Variants in PHF20L1 observed in about 807,000 individuals in gnomAD.
PHF20L1 encodes PHD finger protein 20-like protein 1.
In PHF20L1, 44 loss-of-function variants were observed where a neutral mutation model predicts 125.5. The observed-to-expected ratio is 0.35, with a 90% CI of 0.28 to 0.45. PHF20L1 has a LOEUF of 0.45. PHF20L1 is among the 20% of genes least tolerant of loss of function. The pLI is 1.00. For synonymous variants in PHF20L1, 380 were observed against 403.1 expected (o/e 0.94, Z 0.69); for missense variants, 1,012 against 1,217.2 (o/e 0.83, Z 2.51).
chr8:132,830,576 C>G (rs1836656548), intron 14 of PHF20L1, among the ~76,000 whole-genome samples: 1 of 152,016 alleles, frequency 6.6e-6, no homozygotes, highest in Admixed American at 6.6e-5. Flanking sequence ...CATGTATTCC[C>G]TAACCTGCGT....
Position 132,836,549 on chromosome 8 carries a change from A to C in PHF20L1, c.1919A>C (p.Asp640Ala). The C allele has an allele frequency of 6.2e-7, 1 of 1,602,772 alleles. No individual in the cohort carries two copies. The highest frequency in any genetic ancestry group is 8.5e-7 in the Non-Finnish European group (1 of 1,170,316). ...TTTGTATATATTCTAGACTTATCAG[A>C]TGTAGACTTCCTAGATGATTCTTCA... The part of the protein sequence containing the change: ...SVDLSGENLS[D>A]VDFLDDSSTE... Residue 640 changes from aspartate (D) to alanine (A), a missense_variant, in exon 16 of 21, where the codon GAT (aspartate) becomes GCT (alanine). Asp to Ala is a moderately radical substitution (Grantham distance 126). This residue lies in a region of PHF20L1 where 320 missense variants were observed against 293.8 expected (regional missense o/e 1.09). Coordinates refer to ENST00000395386, the MANE Select transcript of PHF20L1 (RefSeq NM_016018.5).
chr8:132,782,103 G>A (rs1486020321), intron 2 of PHF20L1, among the ~76,000 whole-genome samples: 1 of 152,140 alleles, frequency 6.6e-6, no homozygotes, highest in Non-Finnish European at 1.5e-5. Context: ...TCCAAACCTT[G>A]ATATTCAGTT....
At chr8:132,778,844 G>A (rs776048766) in intron 2 of PHF20L1, among the ~76,000 whole-genome samples, 5 of 152,160 alleles carry the variant, frequency 3.3e-5, no homozygotes, top group African/African-American at 1.2e-4. Context: ...TCCTCCTGAA[G>A]CCCGTTTATT....
intron 8 of PHF20L1, chr8:132,807,621 G>A (rs1378039284): frequency 4.8e-6 from 2 of 417,652 alleles, no homozygotes; most frequent in Non-Finnish European, 9.4e-6. Context: ...TGGAATACCT[G>A]GATGAAAAGT....
At chr8:132,801,518 T>A (rs1833042960) in intron 6 of PHF20L1, among the ~76,000 whole-genome samples, 1 of 151,774 alleles carries the variant, frequency 6.6e-6, no homozygotes, top group African/African-American at 2.4e-5. Context: ...AAAACATCAT[T>A]ATTAGTTATA....
chr8:132,817,458 C>G lies in PHF20L1; in HGVS notation c.1492C>G (p.Pro498Ala), dbSNP rs1835104317. 6.2e-7 allele frequency: 1 copy of G among 1,612,480 alleles called. No homozygotes were observed. The highest frequency in any genetic ancestry group is 8.5e-7 in the Non-Finnish European group (1 of 1,179,124). ...AGATTCCTCTTACCGTAATGAATGT[C>G]CCAGGGCAGAAAAAGAGGATACACA... ...ASDSSYRNEC[P>A]RAEKEDTQML... Residue 498 changes from proline (P) to alanine (A), a missense_variant, in exon 12 of 21, where the codon CCC becomes GCC. Around this residue, in one of 7 missense-constraint regions of PHF20L1, gnomAD observed 320 missense variants for 293.8 expected, o/e 1.09. Transcript: ENST00000395386.
intron 6 of PHF20L1, among the ~76,000 whole-genome samples, chr8:132,800,328 A>G (rs1311412301): frequency 6.6e-6 from 1 of 151,666 alleles, no homozygotes; most frequent in African/African-American, 2.4e-5. Context: ...GTAGTAGTAT[A>G]TTTCTTTTAA....
intron 2 of PHF20L1, among the ~76,000 whole-genome samples, chr8:132,784,775 C>G (rs1213043099): frequency 2.0e-5 from 3 of 152,172 alleles, no homozygotes; most frequent in Non-Finnish European, 4.4e-5. Context: ...AGCTTTGCGC[C>G]TCAGTTAACT....
intron 2 of PHF20L1, among the ~76,000 whole-genome samples, chr8:132,786,810 G>C (rs992321854): frequency 6.6e-6 from 1 of 152,054 alleles, no homozygotes; most frequent in Non-Finnish European, 1.5e-5. Context: ...ATGCCACATG[G>C]TAGGCACATA....
rs774184812 is a variant in PHF20L1, at chr8:132,817,010, C to G, written c.1306C>G (p.Pro436Ala). ...TGTAGAAAAGGTTTCTTCTCCCTCT[C>G]CAGCCACTGATGGGAAAGTATTCTC... ...DSVEKVSSPS[P>A]ATDGKVFSIS... The change falls in exon 11 of 21, where the codon CCA becomes GCA. Residue 436 changes from proline to alanine, a missense_variant. Physicochemically the swap from Pro to Ala is conservative, Grantham distance 27 (BLOSUM62 -1). This residue lies in a region of PHF20L1 where 320 missense variants were observed against 293.8 expected (regional missense o/e 1.09). Coordinates refer to ENST00000395386, the MANE Select transcript of PHF20L1 (RefSeq NM_016018.5). 1.9e-6 allele frequency: 3 copies of G among 1,608,714 alleles called. No homozygotes were observed. Among genetic ancestry groups the G allele is most frequent in the Non-Finnish European group, 2.5e-6 (3 of 1,177,244 alleles).
At chr8:132,787,262 G>T (rs1215985086) in intron 2 of PHF20L1, among the ~76,000 whole-genome samples, 1 of 151,872 alleles carries the variant, frequency 6.6e-6, no homozygotes, top group Non-Finnish European at 1.5e-5. Context: ...TCAGGTGCTG[G>T]GGGGGTGGGA....
intron 18 of PHF20L1, among the ~76,000 whole-genome samples, chr8:132,840,528 C>A (rs139472365): frequency 5.3e-5 from 8 of 152,136 alleles, no homozygotes; most frequent in African/African-American, 1.7e-4. Flanking sequence ...ACTAGAGCAT[C>A]TTCCTGTTGC....
chr8:132,835,634 G>A (rs1340536681), intron 15 of PHF20L1, among the ~76,000 whole-genome samples: 1 of 152,014 alleles, frequency 6.6e-6, no homozygotes, highest in African/African-American at 2.4e-5. Flanking sequence ...TCTAGGATAT[G>A]CTTAATCTAA....
intron 16 of PHF20L1, 86 bp downstream of exon 16, chr8:132,836,807 A>C (rs573944460): frequency 7.4e-5 from 68 of 918,828 alleles, no homozygotes; most frequent in Non-Finnish European, 1.1e-4. Context: ...TTCTTTACTG[A>C]CTGTACTACT....
chr8:132,784,442 G>A (rs1284227489), intron 2 of PHF20L1, among the ~76,000 whole-genome samples: 1 of 152,018 alleles, frequency 6.6e-6, no homozygotes, highest in East Asian at 1.9e-4. Context: ...GATCTTTCAG[G>A]TGCAGTTGAA....
At chr8:132,798,714 A>G (rs1832697614) in intron 4 of PHF20L1, 58 bp from the exon 5 acceptor site, 1 of 1,071,904 alleles carries the variant, frequency 9.3e-7, no homozygotes, top group Non-Finnish European at 1.4e-6. Context: ...TTAGATTTCA[A>G]GTGTTGCTGT....
At position 132,837,645 on chromosome 8, in the gene PHF20L1, G is replaced by A. The variant is rs563943207; in HGVS notation, c.2092-67G>A. ...GCCAGCCAATTCAAAGAAAGGGCAT[G>A]TATCCTTATTCCTAGCTTATTCCTA... On this transcript the variant is annotated intron_variant, in intron 16 of 20. Transcript: ENST00000395386. 177 of 1,240,362 alleles carry A rather than the reference G, an allele frequency of 1.4e-4. 3 individuals carry two copies. The South Asian group carries it at 2.1e-3, about 14-fold the overall frequency. 76.8% of individuals were successfully genotyped at this position (1,240,362 alleles called of 1,614,324 possible).
intron 15 of PHF20L1, among the ~76,000 whole-genome samples, chr8:132,833,236 T>C (rs1023480045): frequency 8.5e-5 from 13 of 152,106 alleles, no homozygotes; most frequent in Admixed American, 7.9e-4. Flanking sequence ...TTCTTCTGAC[T>C]GACCTCGATG....
At chr8:132,823,779 C>T (rs567844708) in intron 12 of PHF20L1, among the ~76,000 whole-genome samples, 1 of 151,890 alleles carries the variant, frequency 6.6e-6, no homozygotes, top group Non-Finnish European at 1.5e-5. Context: ...AGATGTTGAA[C>T]CTGAGTAGTT....
Sources: allele counts gnomAD v4.1 joint callset (sites outside exome capture counted in the v4.1 genomes callset), GRCh38; gene constraint gnomAD v4.1.1; regional missense constraint gnomAD v4.1.1; transcripts MANE v1.5; gene names NCBI Gene and HGNC (gene_info 2026-07-23, HGNC 2026-07-21).